MTMR2: variants seen among roughly 807,000 people sequenced by gnomAD.
The protein encoded by MTMR2 is myotubularin related protein 2.
A neutral mutation model predicts 86.9 loss-of-function variants in MTMR2; 55 were observed. That is an observed-to-expected ratio of 0.63 (90% CI 0.51 to 0.79). MTMR2 has a LOEUF of 0.79. Ranked by LOEUF, MTMR2 falls within the 30% of genes least tolerant of loss-of-function variation. The pLI is 0.00. For missense variants in MTMR2, 659 were observed against 772.3 expected, an observed-to-expected ratio of 0.85 and a Z score of 1.74; for synonymous variants, 241 against 266.8, an observed-to-expected ratio of 0.90 and a Z score of 0.94.
intron 1 of MTMR2, among the ~76,000 whole-genome samples, chr11:95,899,098 A>C (rs1323640323): frequency 6.6e-6 from 1 of 152,182 alleles, no homozygotes; most frequent in East Asian, 1.9e-4. Flanking sequence ...TTTAACAATA[A>C]GTCGAAGAAT....
Position 95,924,026 on chromosome 11 carries a change from G to T in MTMR2, c.-72C>A, listed in dbSNP as rs936692009. Reference sequence around the variant, plus strand: ...CTACAGGGCGGGAGAAGCGGAGGGCGGAGTGCTACGGACCGGGGCCGCAGT... The same window carrying T: ...CTACAGGGCGGGAGAAGCGGAGGGCTGAGTGCTACGGACCGGGGCCGCAGT... On this transcript the variant is annotated 5_prime_UTR_variant, in exon 1 of 15. Transcript: ENST00000346299. 7 of 1,530,050 alleles carry T rather than the reference G, an allele frequency of 4.6e-6. No individual in the cohort carries two copies. In the African/African-American group the frequency reaches 8.3e-5, roughly 18 times the overall value. 94.8% of individuals were successfully genotyped at this position (1,530,050 alleles called of 1,614,324 possible). A position where few individuals can be genotyped will look rare whatever the true frequency, so the allele number is the denominator to read the frequency against.
intron 1 of MTMR2, among the ~76,000 whole-genome samples, chr11:95,893,005 C>T (rs541253119): frequency 2.0e-5 from 3 of 152,234 alleles, no homozygotes; most frequent in East Asian, 3.9e-4. Context: ...AGTTTTGCAT[C>T]TTCACATATA....
At chr11:95,907,679 T>C (rs937493331) in intron 1 of MTMR2, among the ~76,000 whole-genome samples, 1 of 152,160 alleles carries the variant, frequency 6.6e-6, no homozygotes, top group African/African-American at 2.4e-5. Flanking sequence ...TCAAGGAGGC[T>C]TTCTCCCCGG....
At chr11:95,898,262 TAAAA>T (rs113103300) in intron 1 of MTMR2, among the ~76,000 whole-genome samples, 1 of 137,880 alleles carries the variant, frequency 7.3e-6, no homozygotes, top group African/African-American at 2.6e-5. Context: ...GGTTGGTTTT[TAAAA>T]AAAAAAAAAA....
chr11:95,870,111 A>G (rs1476552304), intron 2 of MTMR2, among the ~76,000 whole-genome samples: 1 of 152,210 alleles, frequency 6.6e-6, no homozygotes, highest in Non-Finnish European at 1.5e-5. Context: ...GAAAACTACT[A>G]ATGTCTGCAA....
chr11:95,914,411 G>C, intron 1 of MTMR2: 1 of 979,150 alleles, frequency 1.0e-6, no homozygotes, highest in South Asian at 4.7e-5. Context: ...AGGGAGTGGT[G>C]GGGAGGAGGC....
chr11:95,900,557 C>A (rs1866034885), intron 1 of MTMR2, among the ~76,000 whole-genome samples: 1 of 152,002 alleles, frequency 6.6e-6, no homozygotes, highest in Non-Finnish European at 1.5e-5. Context: ...CGGACTGCCT[C>A]AACTTCTTGC....
chr11:95,908,622 G>C (rs1866382255), intron 1 of MTMR2, among the ~76,000 whole-genome samples: 1 of 152,070 alleles, frequency 6.6e-6, no homozygotes, highest in Non-Finnish European at 1.5e-5. Flanking sequence ...AAAACAGCAT[G>C]ATACTGGTAC....
chr11:95,847,446 G>T (rs1863837882), intron 10 of MTMR2, among the ~76,000 whole-genome samples: 2 of 152,114 alleles, frequency 1.3e-5, no homozygotes, highest in Admixed American at 1.3e-4. Context: ...TGGAAGAAAT[G>T]AAATATGAAC....
chr11:95,849,552 G>A (rs1863933798), intron 9 of MTMR2, 122 bp downstream of exon 9: 2 of 889,786 alleles, frequency 2.2e-6, no homozygotes, highest in South Asian at 2.8e-5. Flanking sequence ...AAGTTGAAGA[G>A]CCAAGACAAG....
At chr11:95,889,546 G>A (rs1399374724) in intron 1 of MTMR2, among the ~76,000 whole-genome samples, 1 of 147,442 alleles carries the variant, frequency 6.8e-6, no homozygotes, top group Non-Finnish European at 1.5e-5. Flanking sequence ...GAGAAATGAG[G>A]TCTCACTATG....
intron 7 of MTMR2, among the ~76,000 whole-genome samples, chr11:95,852,259 A>C (rs938427294): frequency 1.3e-5 from 2 of 152,194 alleles, no homozygotes; most frequent in Admixed American, 1.3e-4. Context: ...AATTTGGCCA[A>C]AGCTATACAT....
At chr11:95,913,493 C>T (rs1361827250) in intron 1 of MTMR2, among the ~76,000 whole-genome samples, 3 of 152,130 alleles carry the variant, frequency 2.0e-5, no homozygotes, top group Admixed American at 6.6e-5. Context: ...CGATTCCTAA[C>T]GTCACCTCAA....
intron 1 of MTMR2, among the ~76,000 whole-genome samples, chr11:95,920,200 G>C (rs936329207): frequency 6.6e-6 from 1 of 152,210 alleles, no homozygotes; most frequent in African/African-American, 2.4e-5. Flanking sequence ...CTCTTTCTGT[G>C]GGGATAGATA....
At chr11:95,838,004 A>C (rs1196069400) in intron 13 of MTMR2, 90 bp downstream of exon 13, 9 of 832,966 alleles carry the variant, frequency 1.1e-5, no homozygotes, top group African/African-American at 1.7e-5. Flanking sequence ...CAAAAGAATG[A>C]CTTCAGTTGA....
intron 1 of MTMR2, among the ~76,000 whole-genome samples, chr11:95,906,194 C>A (rs1170643173): frequency 6.6e-6 from 1 of 152,196 alleles, no homozygotes; most frequent in Admixed American, 6.5e-5. Flanking sequence ...CATTACACTC[C>A]AGCCTAGGCA....
intron 14 of MTMR2, 109 bp from the exon 15 acceptor site, chr11:95,835,560 G>T: frequency 9.1e-7 from 1 of 1,095,192 alleles, no homozygotes; most frequent in Non-Finnish European, 1.4e-6. Flanking sequence ...GGAACCAATG[G>T]CACCTTTCCA....
chr11:95,901,994 T>C (rs1198531287), intron 1 of MTMR2, among the ~76,000 whole-genome samples: 2 of 152,140 alleles, frequency 1.3e-5, no homozygotes, highest in African/African-American at 2.4e-5. Flanking sequence ...TATGAATCCA[T>C]GTGATATTAT....
chr11:95,906,371 C>G (rs1405188240), intron 1 of MTMR2, among the ~76,000 whole-genome samples: 1 of 152,054 alleles, frequency 6.6e-6, no homozygotes, highest in Non-Finnish European at 1.5e-5. Context: ...TATATGCATC[C>G]AACACAGGAG....
Sources: gnomAD v4.1 joint callset for allele counts (sites outside exome capture counted in the v4.1 genomes callset) on GRCh38, gnomAD v4.1.1 for gene constraint, MANE v1.5 for transcripts, NCBI Gene and HGNC (gene_info 2026-07-23, HGNC 2026-07-21) for gene names.